The following GRIN2A variants were observed in gnomAD, a reference collection of about 807,000 sequenced individuals.
GRIN2A encodes the protein glutamate ionotropic receptor NMDA type subunit 2A.
In GRIN2A, 22 loss-of-function variants were observed where a neutral mutation model predicts 113.4. The observed-to-expected ratio is 0.19, with a 90% confidence interval of 0.14 to 0.28. The LOEUF (loss-of-function observed/expected upper bound fraction) is 0.28, where lower values mean the gene tolerates loss of function less well. GRIN2A is among the 10% of genes least tolerant of loss of function. GRIN2A has a pLI of 1.00. For synonymous variants in GRIN2A, 827 were observed against 738.4 expected (o/e 1.12, Z -1.94); for missense variants, 1,502 against 1,887.0 (o/e 0.80, Z 3.78).
intron 2 of GRIN2A, among the ~76,000 whole-genome samples, chr16:9,981,053 A>T (rs2045883178): frequency 6.6e-6 from 1 of 151,710 alleles, no homozygotes; most frequent in Non-Finnish European, 1.5e-5. Context: ...AGAGAGAGAG[A>T]GAGAGAATAG....
chr16:10,026,949 G>A (rs1567242835), intron 2 of GRIN2A, among the ~76,000 whole-genome samples: 1 of 152,118 alleles, frequency 6.6e-6, no homozygotes, highest in African/African-American at 2.4e-5. Context: ...ACCCTCCCGT[G>A]AAGATGGCTC....
intron 2 of GRIN2A, among the ~76,000 whole-genome samples, chr16:10,081,265 G>A (rs543274678): frequency 2.0e-5 from 3 of 152,314 alleles, no homozygotes; most frequent in East Asian, 1.9e-4. Flanking sequence ...GGATTAAGGT[G>A]CCTGGTTAAT....
Position 9,761,180 on chromosome 16 carries a change from T to G in GRIN2A, c.*1969A>C, listed in dbSNP as rs1356354493. 4.3e-5 allele frequency: 10 copies of G among 232,146 alleles called. No individual in the cohort carries two copies. In the Admixed American group the frequency reaches 5.6e-4, roughly 13 times the overall value. 14.4% of individuals were successfully genotyped at this position (232,146 alleles called of 1,614,324 possible). Reference sequence around the variant, plus strand: ...ACCACTTTTCATTATAGGAACACTGTAGGTCAGGTGTACTTTCCCAAAGAT... The same window carrying G: ...ACCACTTTTCATTATAGGAACACTGGAGGTCAGGTGTACTTTCCCAAAGAT... On this transcript the variant is annotated 3_prime_UTR_variant, in exon 13 of 13. Transcript: ENST00000330684.
intron 2 of GRIN2A, among the ~76,000 whole-genome samples, chr16:9,987,629 A>G (rs1165219480): frequency 1.3e-5 from 2 of 152,242 alleles, no homozygotes; most frequent in Non-Finnish European, 2.9e-5. Context: ...GAAAATTATT[A>G]GACATTCAAA....
At chr16:9,983,131 C>A (rs1202442775) in intron 2 of GRIN2A, among the ~76,000 whole-genome samples, 1 of 152,170 alleles carries the variant, frequency 6.6e-6, no homozygotes, top group East Asian at 1.9e-4. Context: ...ATTAAAAAGT[C>A]TGCTTTTCTA....
intron 3 of GRIN2A, among the ~76,000 whole-genome samples, chr16:9,901,364 C>T (rs953307972): frequency 2.0e-5 from 3 of 152,156 alleles, no homozygotes; most frequent in East Asian, 1.9e-4. Flanking sequence ...GAGGAAAGGT[C>T]GGGGGTGATA....
At position 9,928,516 on chromosome 16, in the gene GRIN2A, C is replaced by T. The variant is rs532979040; in HGVS notation, c.1007+9443G>A. ...AATCGTGTCCAGAATGAAACAAAAA[C>T]AGAGGTTTTCCCCCTGCCTGAACTA... On this transcript the variant is annotated intron_variant, in intron 3 of 12. Coordinates refer to ENST00000330684, the MANE Select transcript of GRIN2A (RefSeq NM_001134407.3). Among the ~76,000 whole-genome samples, 17 of 152,212 alleles carry T rather than the reference C, an allele frequency of 1.1e-4. No individual in the cohort carries two copies. The South Asian group carries it at 3.3e-3, about 30-fold the overall frequency.
At chr16:10,006,703 A>G (rs1251708089) in intron 2 of GRIN2A, among the ~76,000 whole-genome samples, 1 of 152,144 alleles carries the variant, frequency 6.6e-6, no homozygotes, top group Non-Finnish European at 1.5e-5. Flanking sequence ...CTGTTATGCT[A>G]TCAAACACTA....
At chr16:10,033,606 C>G (rs1364247452) in intron 2 of GRIN2A, 3 of 152,228 alleles carry the variant, frequency 2.0e-5, no homozygotes, top group Non-Finnish European at 4.4e-5. Context: ...TGGTTAATCT[C>G]AAGGCACATA....
Position 9,841,149 on chromosome 16 carries a change from G to C in GRIN2A, c.1329-45C>G, listed in dbSNP as rs774178022. 3.0e-5 allele frequency: 45 copies of C among 1,499,210 alleles called. No homozygotes were observed. The Admixed American group carries it at 6.7e-4, about 22-fold the overall frequency. The allele number at this position is 1,499,210 out of a possible 1,614,324, so 92.9% of individuals were successfully genotyped here. On this transcript the variant is annotated intron_variant, in intron 5 of 12. Transcript: ENST00000330684. ...GACCACAGAATGTTAGCACTGGAAG[G>C]TTTGTTCACAATCATTAGCTGTACT...
intron 2 of GRIN2A, among the ~76,000 whole-genome samples, chr16:10,046,442 G>A (rs1451666783): frequency 6.6e-6 from 1 of 151,852 alleles, no homozygotes; most frequent in African/African-American, 2.4e-5. Context: ...ATTACTGACG[G>A]CATAAATTTG....
chr16:9,764,467 A>T lies in GRIN2A; in HGVS notation c.3077T>A (p.Leu1026Gln). Residue 1026 changes from leucine (L) to glutamine (Q), a missense_variant, in exon 13 of 13, where the codon CTA (leucine) becomes CAA (glutamine). Coordinates refer to ENST00000330684, the MANE Select transcript of GRIN2A (RefSeq NM_001134407.3). ...CCTCTGGGAGACTGGATTCTGGGAT[A>T]GTGAATCCTGGCGTATGGAATCCAC... ...KSVDSIRQDSLSQNPVSQRDE... is the reference protein window; with the variant it reads ...KSVDSIRQDSQSQNPVSQRDE... 1 of 1,614,082 alleles carries T rather than the reference A, an allele frequency of 6.2e-7. No individual in the cohort carries two copies. Among genetic ancestry groups the T allele is most frequent in the Non-Finnish European group, 8.5e-7 (1 of 1,179,974 alleles).
At chr16:9,835,936 AACTT>A (rs1478306072) in intron 7 of GRIN2A, among the ~76,000 whole-genome samples, 5 of 152,340 alleles carry the variant, frequency 3.3e-5, no homozygotes, top group African/African-American at 9.6e-5. Context: ...CAGGTAACAC[AACTT>A]ACTTAAGTAA....
At chr16:10,174,117 G>C (rs771832401) in intron 2 of GRIN2A, among the ~76,000 whole-genome samples, 1 of 152,162 alleles carries the variant, frequency 6.6e-6, no homozygotes, top group Non-Finnish European at 1.5e-5. Context: ...TGAGCCATGA[G>C]AACAGAGGTG....
At chr16:10,092,849 C>CATGAAAAG (rs2048206417) in intron 2 of GRIN2A, among the ~76,000 whole-genome samples, 1 of 131,076 alleles carries the variant, frequency 7.6e-6, no homozygotes. Context: ...TAAAAGGCAG[C>CATGAAAAG]ATGAAAAGTT....
intron 2 of GRIN2A, among the ~76,000 whole-genome samples, chr16:9,986,263 T>C (rs2045977600): frequency 6.6e-6 from 1 of 152,102 alleles, no homozygotes; most frequent in African/African-American, 2.4e-5. Context: ...CATAACATGA[T>C]GAACTGAAAT....
At chr16:10,152,231 G>A (rs1250876425) in intron 2 of GRIN2A, among the ~76,000 whole-genome samples, 1 of 152,164 alleles carries the variant, frequency 6.6e-6, no homozygotes, top group Non-Finnish European at 1.5e-5. Flanking sequence ...CTCAAAATTA[G>A]CATCAAAGTT....
intron 4 of GRIN2A, among the ~76,000 whole-genome samples, chr16:9,887,875 A>T (rs1055379495): frequency 6.6e-6 from 1 of 152,160 alleles, no homozygotes; most frequent in African/African-American, 2.4e-5. Flanking sequence ...CCTGGCCAAC[A>T]TGGTGCAACT....
At chr16:10,160,289 A>G (rs1263102701) in intron 2 of GRIN2A, among the ~76,000 whole-genome samples, 1 of 152,238 alleles carries the variant, frequency 6.6e-6, no homozygotes, top group Non-Finnish European at 1.5e-5. Context: ...GAAGTCATCA[A>G]TACAAGCGGG....
Sources: gnomAD v4.1 joint callset for allele counts (sites outside exome capture counted in the v4.1 genomes callset) on GRCh38, gnomAD v4.1.1 for gene constraint, MANE v1.5 for transcripts, NCBI Gene and HGNC (gene_info 2026-07-23, HGNC 2026-07-21) for gene names.